Variants in SORCS2 observed in about 807,000 individuals in gnomAD.
The protein encoded by SORCS2 is sortilin related VPS10 domain containing receptor 2, also known as VPS10 domain-containing receptor SorCS2.
SORCS2 carries 100 observed loss-of-function variants against 141.6 expected under a neutral mutation model. The observed-to-expected ratio is 0.71, with a 90% CI of 0.60 to 0.83. The LOEUF is 0.83. SORCS2 is among the 40% of genes least tolerant of loss of function. The probability of loss-of-function intolerance (pLI) is 0.00; values close to 1 mark genes in which losing one functional copy is unlikely to be tolerated. For missense variants in SORCS2, 1,646 were observed against 1,560.2 expected, an observed-to-expected ratio of 1.05 and a Z score of -0.93; for synonymous variants, 789 against 676.9, an observed-to-expected ratio of 1.17 and a Z score of -2.57.
chr4:7,676,952 G>T (rs1243467865), intron 9 of SORCS2, among the ~76,000 whole-genome samples: 1 of 9,934 alleles, frequency 1.0e-4, no homozygotes, highest in African/African-American at 3.3e-4. Context: ...CTCTCCCTCT[G>T]CCTTCCTCTC....
intron 7 of SORCS2, among the ~76,000 whole-genome samples, chr4:7,665,770 C>T (rs531944921): frequency 9.2e-5 from 14 of 152,316 alleles, no homozygotes; most frequent in East Asian, 1.9e-4. Flanking sequence ...CACTAAGTAC[C>T]AGAGCAAAGA....
At chr4:7,712,999 A>T in intron 15 of SORCS2, 146 bp downstream of exon 15, 2 of 1,255,548 alleles carry the variant, frequency 1.6e-6, no homozygotes, top group South Asian at 3.0e-5. Context: ...GCGCCTTGAG[A>T]TGTCCAGGCC....
Position 7,723,842 on chromosome 4 carries a change from C to G in SORCS2, c.2570C>G (p.Thr857Arg). The change falls in exon 19 of 27, where the codon ACG (threonine) becomes AGG (arginine). Residue 857 changes from threonine to arginine, a missense_variant. Transcript: ENST00000507866. ...IYRVSVRAEN[T>R]AGHDEAVLFV... ...CGCGTGTCCGTCAGGGCAGAGAACA[C>G]GGCAGGCCACGATGAGGCGGTGCTC... 1 of 1,612,022 alleles carries G rather than the reference C, an allele frequency of 6.2e-7. No homozygotes were observed. The highest frequency in any genetic ancestry group is 1.7e-5 in the Admixed American group (1 of 59,940).
intron 1 of SORCS2, among the ~76,000 whole-genome samples, chr4:7,387,786 G>A (rs1215399183): frequency 1.9e-4 from 12 of 62,816 alleles, no homozygotes; most frequent in East Asian, 3.6e-4. Context: ...ACACACATAG[G>A]TACATGCATG....
At chr4:7,339,504 T>TG (rs1356731831) in intron 1 of SORCS2, among the ~76,000 whole-genome samples, 1 of 152,208 alleles carries the variant, frequency 6.6e-6, no homozygotes, top group Non-Finnish European at 1.5e-5. Context: ...CTGCAACTTC[T>TG]GGGGGCTGCT....
intron 1 of SORCS2, among the ~76,000 whole-genome samples, chr4:7,376,246 A>G (rs1188756732): frequency 6.6e-6 from 1 of 150,468 alleles, no homozygotes; most frequent in Non-Finnish European, 1.5e-5. Flanking sequence ...CATGCTTATT[A>G]TAGAAAAGCT....
At chr4:7,717,077 TAGCCTGAGG>T (rs1726241401) in intron 17 of SORCS2, among the ~76,000 whole-genome samples, 1 of 152,226 alleles carries the variant, frequency 6.6e-6, no homozygotes, top group Non-Finnish European at 1.5e-5. Flanking sequence ...ACGCATAGTG[TAGCCTGAGG>T]GAGCTTCACA....
At chr4:7,273,383 A>G (rs1715268198) in intron 1 of SORCS2, among the ~76,000 whole-genome samples, 1 of 152,098 alleles carries the variant, frequency 6.6e-6, no homozygotes, top group South Asian at 2.1e-4. Flanking sequence ...GGACCATGGC[A>G]TAACCCAGCT....
chr4:7,652,506 C>T (rs1289111729), intron 4 of SORCS2, among the ~76,000 whole-genome samples: 4 of 152,152 alleles, frequency 2.6e-5, no homozygotes, highest in East Asian at 3.9e-4. Flanking sequence ...GGCCCCCGAC[C>T]CCGCCCACTC....
intron 1 of SORCS2, among the ~76,000 whole-genome samples, chr4:7,326,208 A>C (rs1193996503): frequency 6.6e-6 from 1 of 152,036 alleles, no homozygotes. Flanking sequence ...AGGATCACTG[A>C]GGGCCTAAGA....
chr4:7,309,381 C>A (rs546213457), intron 1 of SORCS2, among the ~76,000 whole-genome samples: 2 of 152,288 alleles, frequency 1.3e-5, no homozygotes, highest in South Asian at 2.1e-4. Context: ...GGAGCCTCAG[C>A]CCGTCTGGCA....
intron 1 of SORCS2, among the ~76,000 whole-genome samples, chr4:7,221,018 C>T (rs1344189409): frequency 1.3e-5 from 2 of 152,198 alleles, no homozygotes; most frequent in Admixed American, 1.3e-4. Context: ...AAGCAGAATG[C>T]TGTTTAATAA....
At position 7,627,400 on chromosome 4, in the gene SORCS2, C is replaced by T. The variant is rs112817929; in HGVS notation, c.649-10928C>T. On this transcript the variant is annotated intron_variant, in intron 3 of 26. Transcript: ENST00000507866. The stretch of plus-strand genomic sequence containing the variant: ...AGGATGGATGGGTGATGCTGCCTGC[C>T]CAAGCCCTGGCATCAGTCTGCTTGC... 4.5e-3 allele frequency among the ~76,000 whole-genome samples: 683 copies of T among 152,256 alleles called. 11 individuals are homozygous for T. The highest frequency in any genetic ancestry group is 0.016 in the African/African-American group (662 of 41,526).
rs189741784 is a variant in SORCS2, at chr4:7,456,040, G to A, written c.548+59685G>A. Among the ~76,000 whole-genome samples, 10 of 152,208 alleles carry A rather than the reference G, an allele frequency of 6.6e-5. No individual in the cohort carries two copies. In the East Asian group the frequency reaches 1.9e-3, roughly 29 times the overall value. On this transcript the variant is annotated intron_variant, in intron 2 of 26. Coordinates refer to ENST00000507866, the MANE Select transcript of SORCS2 (RefSeq NM_020777.3). The stretch of plus-strand genomic sequence containing the variant: ...GTAGGCAGGGTTGGTTTCTCCTGAG[G>A]CCTCCCTCCCCGGCTTGCAGATGGC...
chr4:7,396,224 T>A, intron 1 of SORCS2, 64 bp from the exon 2 acceptor site: 1 of 1,515,322 alleles, frequency 6.6e-7, no homozygotes, highest in East Asian at 2.3e-5. Flanking sequence ...GGTGTCACTG[T>A]ACCTCTCTTT....
intron 1 of SORCS2, among the ~76,000 whole-genome samples, chr4:7,228,960 C>T (rs1339469978): frequency 6.6e-6 from 1 of 152,226 alleles, no homozygotes; most frequent in African/African-American, 2.4e-5. Flanking sequence ...ATTCCCGTGG[C>T]CAGGCCGTCC....
chr4:7,678,961 A>C (rs2108959859), intron 9 of SORCS2, among the ~76,000 whole-genome samples: 1 of 152,228 alleles, frequency 6.6e-6, no homozygotes, highest in Middle Eastern at 3.4e-3. Flanking sequence ...ATTCCTATTA[A>C]ACAGGCAGAG....
chr4:7,464,879 T>C (rs1363091877), intron 2 of SORCS2, among the ~76,000 whole-genome samples: 1 of 152,234 alleles, frequency 6.6e-6, no homozygotes, highest in Non-Finnish European at 1.5e-5. Context: ...TGGGTGATGC[T>C]GCCTTCCTTC....
chr4:7,206,612 C>T (rs920503102), intron 1 of SORCS2, among the ~76,000 whole-genome samples: 1 of 152,080 alleles, frequency 6.6e-6, no homozygotes, highest in Non-Finnish European at 1.5e-5. Flanking sequence ...TTGTTTCTTG[C>T]CTGAGAGGAG....
Sources: gnomAD v4.1 joint callset for allele counts (sites outside exome capture counted in the v4.1 genomes callset) on GRCh38, gnomAD v4.1.1 for gene constraint, MANE v1.5 for transcripts, NCBI Gene and HGNC (gene_info 2026-07-23, HGNC 2026-07-21) for gene names.